Variants in CCDC13 observed in about 807,000 individuals in gnomAD.
CCDC13 encodes coiled-coil domain containing 13, also known as coiled-coil domain-containing protein 13.
A neutral mutation model predicts 87.3 loss-of-function variants in CCDC13; 70 were observed. The ratio of observed to expected loss-of-function variants is 0.80; its 90% CI spans 0.66 to 0.98. The LOEUF is 0.98. CCDC13 is among the 50% of genes least tolerant of loss of function. The pLI, the probability that CCDC13 is intolerant of heterozygous loss-of-function variation, is 0.00. For missense variants in CCDC13, 842 were observed against 892.0 expected, an observed-to-expected ratio of 0.94 and a Z score of 0.71; for synonymous variants, 317 against 360.3, an observed-to-expected ratio of 0.88 and a Z score of 1.36.
Position 42,747,238 on chromosome 3 carries a change from A to G in CCDC13, c.720+19T>C, listed in dbSNP as rs1451464363. On this transcript the variant is annotated intron_variant, in intron 6 of 15. Transcript: ENST00000310232. The stretch of plus-strand genomic sequence containing the variant: ...AGCCCCAGCCACACAAGAAGCCCCA[A>G]GCCCTGGCTCTGAAAGACCTTCTGT... 6.3e-7 allele frequency: 1 copy of G among 1,593,826 alleles called. No homozygotes were observed. The highest frequency in any genetic ancestry group is 8.6e-7 in the Non-Finnish European group (1 of 1,161,612).
intron 1 of CCDC13, among the ~76,000 whole-genome samples, chr3:42,762,324 T>C (rs1465710316): frequency 1.3e-5 from 2 of 152,218 alleles, no homozygotes; most frequent in Non-Finnish European, 2.9e-5. Context: ...CCAAAAAACA[T>C]GTTTGGCCTT....
intron 1 of CCDC13, 111 bp from the exon 2 acceptor site, chr3:42,758,462 T>G (rs1559661344): frequency 9.9e-7 from 1 of 1,005,026 alleles, no homozygotes. Context: ...TCGCGTTGCA[T>G]GTATGTCCAC....
At chr3:42,766,286 G>A (rs1301612462) in intron 1 of CCDC13, among the ~76,000 whole-genome samples, 3 of 152,042 alleles carry the variant, frequency 2.0e-5, no homozygotes, top group Admixed American at 2.0e-4. Flanking sequence ...AGTCTGAGCT[G>A]GAGCCTCAGG....
Position 42,758,237 on chromosome 3 carries a change from CT to C in CCDC13, c.108del (p.Glu37AsnfsTer2). On this transcript the variant is annotated frameshift_variant, in exon 2 of 16. Transcript: ENST00000310232. LOFTEE classifies it high-confidence loss of function. ...TCAGCTCTGCTTTTGAGGCTCAGTT[CT>C]TTTTCCCTCTTTTTCTCCATCTGCT... ...LQKQMEKKRE[K>X]ELSLKSRADD... 1 of 1,613,912 alleles carries C rather than the reference CT, an allele frequency of 6.2e-7. No homozygotes were observed. Among genetic ancestry groups the C allele is most frequent in the Non-Finnish European group, 8.5e-7 (1 of 1,180,028 alleles).
intron 13 of CCDC13, among the ~76,000 whole-genome samples, chr3:42,727,278 A>C (rs1698713152): frequency 6.6e-6 from 1 of 152,178 alleles, no homozygotes; most frequent in Non-Finnish European, 1.5e-5. Flanking sequence ...AGGCTGAGGC[A>C]CTAGAACCAC....
At chr3:42,732,262 G>A (rs527340045) in intron 12 of CCDC13, among the ~76,000 whole-genome samples, 116 of 152,296 alleles carry the variant, frequency 7.6e-4, no homozygotes, top group African/African-American at 2.7e-3. Context: ...CCCAGAGAAG[G>A]ACCAGTTTGC....
chr3:42,747,239 G>T lies in CCDC13; in HGVS notation c.720+18C>A. 1 of 1,591,906 alleles carries T rather than the reference G, an allele frequency of 6.3e-7. No homozygotes were observed. The highest frequency in any genetic ancestry group is 8.6e-7 in the Non-Finnish European group (1 of 1,159,860). Reference sequence around the variant, plus strand: ...GCCCCAGCCACACAAGAAGCCCCAAGCCCTGGCTCTGAAAGACCTTCTGTG... The same window carrying T: ...GCCCCAGCCACACAAGAAGCCCCAATCCCTGGCTCTGAAAGACCTTCTGTG... On this transcript the variant is annotated intron_variant, in intron 6 of 15. Transcript: ENST00000310232.
rs1297848742 is a variant in CCDC13, at chr3:42,743,070, A to G, written c.826-13T>C. 1.9e-6 allele frequency: 3 copies of G among 1,613,508 alleles called. No individual in the cohort carries two copies. The Admixed American group carries it at 5.0e-5, about 27-fold the overall frequency. On this transcript the variant is annotated splice_polypyrimidine_tract_variant and intron_variant, in intron 7 of 15. Coordinates refer to ENST00000310232, the MANE Select transcript of CCDC13 (RefSeq NM_144719.4). ...CAAGCTCTTGAACCTGAGGATGGTA[A>G]AACTCGTCGTTCCACAATGGGTCTT...
intron 14 of CCDC13, among the ~76,000 whole-genome samples, chr3:42,712,728 G>T: frequency 6.6e-6 from 1 of 152,204 alleles, no homozygotes; most frequent in East Asian, 1.9e-4. Context: ...CCTCTGGTGA[G>T]GCTACTTCCT....
intron 3 of CCDC13, 42 bp from the exon 4 acceptor site, chr3:42,752,759 A>G (rs751999555): frequency 6.2e-7 from 1 of 1,609,084 alleles, no homozygotes; most frequent in East Asian, 2.2e-5. Context: ...AAACACAGGC[A>G]TACACATCAA....
chr3:42,713,150 C>T lies in CCDC13; in HGVS notation c.1873+12G>A, dbSNP rs1220292600. On this transcript the variant is annotated intron_variant, in intron 14 of 15. Coordinates refer to ENST00000310232, the MANE Select transcript of CCDC13 (RefSeq NM_144719.4). ...CCACCCCCTGCACTGAGACTACTGC[C>T]CTGGCCCCTACCTGTTTTGGTCCTG... The T allele has an allele frequency of 2.5e-6, 4 of 1,612,914 alleles. No individual in the cohort carries two copies. Among genetic ancestry groups the T allele is most frequent in the East Asian group, 2.2e-5 (1 of 44,876 alleles).
chr3:42,749,797 G>C, intron 5 of CCDC13: 5 of 451,498 alleles, frequency 1.1e-5, no homozygotes, highest in South Asian at 7.8e-5. Context: ...ATGGGGAGCA[G>C]ATGATGCCAA....
chr3:42,747,907 C>T (rs1295429292), intron 5 of CCDC13, among the ~76,000 whole-genome samples: 6 of 152,206 alleles, frequency 3.9e-5, no homozygotes, highest in Non-Finnish European at 5.9e-5. Context: ...CTCCCAGAAT[C>T]GTCAGCTTGG....
chr3:42,730,478 G>T lies in CCDC13; in HGVS notation c.1707C>A (p.Val569=), dbSNP rs942286678. The part of the protein sequence containing the change: ...ERDRLTEFVT[V]LQKRVEESNS... ...GTGCCATGTGTTACCGTTTCTGCAGGACAGTGACAAACTCGGTGAGCCGGT... is the reference window on the plus strand; with the variant it reads ...GTGCCATGTGTTACCGTTTCTGCAGTACAGTGACAAACTCGGTGAGCCGGT... The change falls in exon 13 of 16, where the codon GTC becomes GTA. Residue 569 remains valine, a synonymous_variant. Transcript: ENST00000310232. 2 of 1,613,948 alleles carry T rather than the reference G, an allele frequency of 1.2e-6. No homozygotes were observed. The highest frequency in any genetic ancestry group is 1.7e-6 in the Non-Finnish European group (2 of 1,179,836).
chr3:42,731,970 C>T (rs1698845384), intron 12 of CCDC13, among the ~76,000 whole-genome samples: 1 of 152,226 alleles, frequency 6.6e-6, no homozygotes, highest in African/African-American at 2.4e-5. Context: ...GAGGTCACAG[C>T]CACACAGGCC....
intron 1 of CCDC13, among the ~76,000 whole-genome samples, chr3:42,759,905 A>C (rs1699791801): frequency 6.6e-6 from 1 of 152,206 alleles, no homozygotes; most frequent in Admixed American, 6.5e-5. Context: ...GTACCATTTT[A>C]CATTCTTACT....
intron 12 of CCDC13, among the ~76,000 whole-genome samples, chr3:42,731,486 A>G (rs1054210499): frequency 6.6e-6 from 1 of 152,044 alleles, no homozygotes; most frequent in African/African-American, 2.4e-5. Context: ...TGGTCTCTGA[A>G]TCGGTGGCTC....
rs1465137527 is a variant in CCDC13, at chr3:42,758,059, T to C, written c.221+66A>G. 4.5e-6 allele frequency: 4 copies of C among 895,934 alleles called. No homozygotes were observed. The African/African-American group carries it at 8.3e-5, about 19-fold the overall frequency. The allele number at this position is 895,934 out of a possible 1,614,324, so 55.5% of individuals were successfully genotyped here. On this transcript the variant is annotated intron_variant, in intron 2 of 15. Coordinates refer to ENST00000310232, the MANE Select transcript of CCDC13 (RefSeq NM_144719.4). ...TTTACAAGTTTTGCTATAGCTCCGGTGGTACACACACACACACACACACAC... is the reference window on the plus strand; with the variant it reads ...TTTACAAGTTTTGCTATAGCTCCGGCGGTACACACACACACACACACACAC...
intron 9 of CCDC13, among the ~76,000 whole-genome samples, chr3:42,737,431 T>C (rs1699064907): frequency 1.3e-5 from 2 of 152,234 alleles, no homozygotes. Flanking sequence ...ATATACCCAG[T>C]AATGGGATTG....
Sources: allele counts gnomAD v4.1 joint callset (sites outside exome capture counted in the v4.1 genomes callset), GRCh38; gene constraint gnomAD v4.1.1; transcripts MANE v1.5; gene names NCBI Gene and HGNC (gene_info 2026-07-23, HGNC 2026-07-21).